The following DAB1 variants were observed in gnomAD, a reference collection of about 807,000 sequenced individuals.
DAB1 encodes DAB adaptor protein 1.
DAB1 carries 15 observed loss-of-function variants against 64.6 expected under a neutral mutation model. The observed-to-expected ratio is 0.23, with a 90% CI of 0.16 to 0.36. The LOEUF (loss-of-function observed/expected upper bound fraction) is 0.36. Ranked by LOEUF, DAB1 falls within the 10% of genes least tolerant of loss-of-function variation. DAB1 has a pLI of 1.00. For synonymous variants in DAB1, 235 were observed against 251.9 expected (o/e 0.93, Z 0.64); for missense variants, 596 against 706.7 (o/e 0.84, Z 1.78).
At chr1:57,502,530 T>C (rs1644302613) in intron 7 of DAB1, among the ~76,000 whole-genome samples, 1 of 152,168 alleles carries the variant, frequency 6.6e-6, no homozygotes, top group Non-Finnish European at 1.5e-5. Context: ...TGTATATCTC[T>C]CCGAATAGAA....
intron 2 of DAB1, among the ~76,000 whole-genome samples, chr1:57,237,841 G>C (rs557208857): frequency 2.0e-5 from 3 of 152,326 alleles, no homozygotes; most frequent in African/African-American, 7.2e-5. Flanking sequence ...ATGCTTTGGG[G>C]CAAAGGGATG....
At chr1:57,017,321 C>T (rs1646466680) in intron 11 of DAB1, among the ~76,000 whole-genome samples, 1 of 151,956 alleles carries the variant, frequency 6.6e-6, no homozygotes, top group Non-Finnish European at 1.5e-5. Flanking sequence ...AGGCAGTGTA[C>T]CAGGAAAAAA....
At chr1:57,501,803 T>A (rs1644292116) in intron 7 of DAB1, among the ~76,000 whole-genome samples, 2 of 152,216 alleles carry the variant, frequency 1.3e-5, no homozygotes, top group South Asian at 4.1e-4. Flanking sequence ...AACTTCTTGT[T>A]TACCCCTGCC....
chr1:57,740,307 G>A (rs1444365916), intron 6 of DAB1, among the ~76,000 whole-genome samples: 2 of 152,092 alleles, frequency 1.3e-5, no homozygotes, highest in Non-Finnish European at 2.9e-5. Context: ...TGGAAATATT[G>A]GGGTAGTAGA....
intron 7 of DAB1, among the ~76,000 whole-genome samples, chr1:57,640,944 G>A (rs1312831312): frequency 6.6e-6 from 1 of 152,152 alleles, no homozygotes. Flanking sequence ...GCTGCTGTTA[G>A]ATGAAATTCC....
intron 1 of DAB1, among the ~76,000 whole-genome samples, chr1:57,333,225 C>G (rs76514148): frequency 0.087 from 13,235 of 152,238 alleles, 661 homozygotes; most frequent in Admixed American, 0.13. Context: ...TTGTTTACCA[C>G]CATTGTCCTA....
intron 4 of DAB1, among the ~76,000 whole-genome samples, chr1:58,275,698 G>T (rs985810403): frequency 2.0e-5 from 3 of 152,144 alleles, no homozygotes; most frequent in Non-Finnish European, 4.4e-5. Flanking sequence ...ACAGAGTGAA[G>T]AAGTTGAAAG....
chr1:57,110,256 T>C (rs1328533850), intron 4 of DAB1, among the ~76,000 whole-genome samples: 1 of 152,216 alleles, frequency 6.6e-6, no homozygotes, highest in Non-Finnish European at 1.5e-5. Flanking sequence ...GTGAGTGTTC[T>C]AATGGTACAA....
intron 4 of DAB1, among the ~76,000 whole-genome samples, chr1:58,225,176 G>A (rs1659397811): frequency 6.6e-6 from 1 of 151,932 alleles, no homozygotes; most frequent in Admixed American, 6.6e-5. Flanking sequence ...CTTCGCAAAA[G>A]AAGACATTTA....
At chr1:58,099,661 C>T (rs751011815) in intron 5 of DAB1, among the ~76,000 whole-genome samples, 3 of 152,214 alleles carry the variant, frequency 2.0e-5, no homozygotes, top group Non-Finnish European at 4.4e-5. Context: ...GGCTAAAAGT[C>T]AGTCTGGTGC....
intron 4 of DAB1, among the ~76,000 whole-genome samples, chr1:57,119,157 G>GGGCAGT (rs1287783330): frequency 1.3e-5 from 2 of 152,096 alleles, no homozygotes; most frequent in African/African-American, 2.4e-5. Context: ...TTTACATACA[G>GGGCAGT]GGCAGTTCCC....
chr1:58,147,639 T>C (rs898701977), intron 5 of DAB1, among the ~76,000 whole-genome samples: 5 of 151,882 alleles, frequency 3.3e-5, no homozygotes, highest in Non-Finnish European at 7.4e-5. Context: ...ATAGCCATTA[T>C]GTAAAATAAT....
chr1:58,224,664 G>T (rs1557703097), intron 4 of DAB1, among the ~76,000 whole-genome samples: 1 of 151,974 alleles, frequency 6.6e-6, no homozygotes, highest in Admixed American at 6.6e-5. Flanking sequence ...TCAAAAAGGG[G>T]GCAAGACATG....
chr1:57,048,622 G>A (rs1648827478), intron 9 of DAB1, among the ~76,000 whole-genome samples: 1 of 152,150 alleles, frequency 6.6e-6, no homozygotes, highest in African/African-American at 2.4e-5. Flanking sequence ...TACCTTCTCT[G>A]GATCTCTTTC....
chr1:57,422,108 C>A (rs1441477614), intron 1 of DAB1, among the ~76,000 whole-genome samples: 1 of 152,164 alleles, frequency 6.6e-6, no homozygotes, highest in African/African-American at 2.4e-5. Flanking sequence ...AATGTACCAA[C>A]GTGAACTGGA....
At chr1:57,914,478 G>A (rs1265110035) in intron 5 of DAB1, among the ~76,000 whole-genome samples, 5 of 151,560 alleles carry the variant, frequency 3.3e-5, no homozygotes, top group Admixed American at 6.6e-5. Context: ...TGTAAATGAC[G>A]AGTTAATGGG....
chr1:58,532,616 C>T (rs935108994), intron 1 of DAB1, among the ~76,000 whole-genome samples: 15 of 152,166 alleles, frequency 9.9e-5, no homozygotes, highest in Admixed American at 9.2e-4. Context: ...TAGCCTTGAT[C>T]TCCCAGGCTC....
intron 3 of DAB1, among the ~76,000 whole-genome samples, chr1:58,405,047 T>C (rs1328301931): frequency 6.6e-6 from 1 of 152,112 alleles, no homozygotes; most frequent in Non-Finnish European, 1.5e-5. Context: ...CCATCACATT[T>C]AACACTTCAG....
chr1:57,494,095 T>C (rs1644199920), intron 7 of DAB1, among the ~76,000 whole-genome samples: 1 of 152,164 alleles, frequency 6.6e-6, no homozygotes, highest in Non-Finnish European at 1.5e-5. Flanking sequence ...ATATAAACTA[T>C]AGATTTCAGT....
Sources: allele counts gnomAD v4.1 joint callset (sites outside exome capture counted in the v4.1 genomes callset), GRCh38; gene constraint gnomAD v4.1.1; transcripts MANE v1.5; gene names NCBI Gene and HGNC (gene_info 2026-07-23, HGNC 2026-07-21).